The following EDARADD variants were observed in gnomAD, a reference collection of about 807,000 sequenced individuals.
EDARADD encodes ectodysplasin-A receptor-associated adapter protein.
Under a neutral mutation model 25.6 loss-of-function variants are expected in EDARADD, and 20 were observed. The ratio of observed to expected loss-of-function variants is 0.78; its 90% CI spans 0.55 to 1.14. The LOEUF (loss-of-function observed/expected upper bound fraction) is 1.14, where lower values mean the gene tolerates loss of function less well. Among genes scored for constraint, EDARADD ranks in the 50% most tolerant of loss-of-function variants. The pLI, the probability that EDARADD is intolerant of heterozygous loss-of-function variation, is 0.00. For synonymous variants in EDARADD, 86 were observed against 94.4 expected (o/e 0.91, Z 0.52); for missense variants, 225 against 270.1 (o/e 0.83, Z 1.17).
upstream of EDARADD, among the ~76,000 whole-genome samples, chr1:236,392,882 CTGAT>C (rs796320420): frequency 2.8e-4 from 42 of 152,240 alleles, no homozygotes; most frequent in African/African-American, 9.9e-4. Context: ...GTTGGGCAGT[CTGAT>C]CTCGAACTTC....
intron 4 of EDARADD, among the ~76,000 whole-genome samples, chr1:236,456,282 T>C (rs16833704): frequency 0.23 from 34,916 of 152,046 alleles, 4,242 homozygotes; most frequent in African/African-American, 0.25. Context: ...TGTTCTTCAT[T>C]TACCTACCTT....
chr1:236,433,402 T>C (rs1188633884), intron 4 of EDARADD, among the ~76,000 whole-genome samples: 2 of 151,620 alleles, frequency 1.3e-5, no homozygotes, highest in Non-Finnish European at 2.9e-5. Flanking sequence ...CTGTCTCTAC[T>C]AAAAATACAA....
intron 5 of EDARADD, among the ~76,000 whole-genome samples, chr1:236,480,456 G>A (rs1487599085): frequency 6.6e-6 from 1 of 152,050 alleles, no homozygotes; most frequent in Non-Finnish European, 1.5e-5. Context: ...AAGAGTATGA[G>A]CCTATTTTCA....
intron 5 of EDARADD, among the ~76,000 whole-genome samples, chr1:236,478,248 T>C (rs891842606): frequency 2.0e-5 from 3 of 152,204 alleles, no homozygotes; most frequent in Middle Eastern, 6.8e-3. Flanking sequence ...GTGAGATGAT[T>C]AAAGATGTGG....
At chr1:236,481,879 C>T (rs768547825) in intron 5 of EDARADD, among the ~76,000 whole-genome samples, 60 of 151,430 alleles carry the variant, frequency 4.0e-4, no homozygotes, top group African/African-American at 1.0e-3. Flanking sequence ...TTTGGGAGGC[C>T]GAGGCGGGTG....
chr1:236,370,490 G>A (rs1434667023), intron 3 of EDARADD, among the ~76,000 whole-genome samples: 1 of 152,188 alleles, frequency 6.6e-6, no homozygotes, highest in African/African-American at 2.4e-5. Context: ...TGGGAGACCA[G>A]AATTTTGTTA....
chr1:236,482,279 A>C lies in EDARADD; in HGVS notation c.278A>C (p.Asp93Ala), dbSNP rs534068767. 2.5e-6 allele frequency: 4 copies of C among 1,614,178 alleles called. No homozygotes were observed. In the African/African-American group the frequency reaches 5.3e-5, roughly 22 times the overall value. The change falls in exon 6 of 6, where the codon GAC (aspartate) becomes GCC (alanine). Residue 93 changes from aspartate to alanine, a missense_variant. Asp to Ala is a moderately radical substitution (Grantham distance 126). Transcript: ENST00000334232. ...TTTCTCCCTGCAGAGATCAGCAAGG[A>C]CAACTCCTGCAAAGAAAACTGTACT... Reference protein sequence around the residue: ...TGDPLPEISKDNSCKENCTCS... With the variant: ...TGDPLPEISKANSCKENCTCS...
chr1:236,440,174 G>A (rs1300510842), intron 4 of EDARADD, among the ~76,000 whole-genome samples: 4 of 151,870 alleles, frequency 2.6e-5, no homozygotes, highest in East Asian at 1.9e-4. Context: ...CTATATTTAT[G>A]TGGTCCTATT....
At chr1:236,474,261 C>A (rs1231010723) in intron 5 of EDARADD, among the ~76,000 whole-genome samples, 3 of 152,296 alleles carry the variant, frequency 2.0e-5, no homozygotes, top group Non-Finnish European at 4.4e-5. Flanking sequence ...GTCACTTCAT[C>A]ATGACAGTTA....
rs560229014 is a variant in EDARADD, at chr1:236,478,456, ATG to A, written c.266-3799_266-3798del. 8.8e-3 allele frequency among the ~76,000 whole-genome samples: 1,325 copies of A among 150,292 alleles called. 23 individuals carry two copies. Among genetic ancestry groups the A allele is most frequent in the African/African-American group, 0.03 (1,211 of 41,038 alleles). ...ATGGATATATAAATATGATATATAT[ATG>A]TGTGTGTGTGTATATATATATGTGT... On this transcript the variant is annotated intron_variant, in intron 5 of 5. Coordinates refer to ENST00000334232, the MANE Select transcript of EDARADD (RefSeq NM_145861.4).
chr1:236,374,191 T>A (rs2102994298), intron 3 of EDARADD, among the ~76,000 whole-genome samples: 1 of 152,284 alleles, frequency 6.6e-6, no homozygotes, highest in South Asian at 2.1e-4. Flanking sequence ...TGATTGATGG[T>A]GCTATTGAAT....
intron 4 of EDARADD, among the ~76,000 whole-genome samples, chr1:236,440,869 C>T (rs1176273537): frequency 1.3e-5 from 2 of 152,148 alleles, no homozygotes; most frequent in Non-Finnish European, 2.9e-5. Context: ...TCTTCTTGGG[C>T]CTTCCTATTC....
intron 3 of EDARADD, among the ~76,000 whole-genome samples, chr1:236,388,786 C>T (rs935502638): frequency 6.6e-6 from 1 of 152,164 alleles, no homozygotes; most frequent in Admixed American, 6.6e-5. Flanking sequence ...TCCAAGTCCA[C>T]CTTCTTGTCT....
chr1:236,462,130 G>A (rs1181719113), intron 4 of EDARADD, among the ~76,000 whole-genome samples: 1 of 152,190 alleles, frequency 6.6e-6, no homozygotes, highest in Non-Finnish European at 1.5e-5. Context: ...AACATCAGGG[G>A]ACTTCGGGTG....
At chr1:236,377,569 T>C (rs927206565) in intron 3 of EDARADD, among the ~76,000 whole-genome samples, 3 of 151,348 alleles carry the variant, frequency 2.0e-5, no homozygotes, top group African/African-American at 7.3e-5. Context: ...CTTCAAACTG[T>C]ATTTTTTTGG....
intron 5 of EDARADD, among the ~76,000 whole-genome samples, chr1:236,475,581 G>A (rs1419706043): frequency 6.6e-6 from 1 of 152,038 alleles, no homozygotes; most frequent in Non-Finnish European, 1.5e-5. Context: ...TGGCCAACAT[G>A]GTGAAAACCC....
upstream of EDARADD, among the ~76,000 whole-genome samples, chr1:236,393,255 G>A (rs1231031016): frequency 6.6e-6 from 1 of 152,050 alleles, no homozygotes; most frequent in Non-Finnish European, 1.5e-5. Flanking sequence ...CCATTTATTG[G>A]AAAAGGAAAA....
intron 3 of EDARADD, among the ~76,000 whole-genome samples, chr1:236,383,852 G>C (rs1667326708): frequency 6.6e-6 from 1 of 151,926 alleles, no homozygotes; most frequent in East Asian, 1.9e-4. Context: ...AAAAGTTTAA[G>C]AACTAGCCAG....
At chr1:236,376,158 C>T (rs1667221998) in intron 3 of EDARADD, among the ~76,000 whole-genome samples, 1 of 152,014 alleles carries the variant, frequency 6.6e-6, no homozygotes, top group South Asian at 2.1e-4. Context: ...TGGTTTTGAA[C>T]TCCTGACCAA....
Sources: gnomAD v4.1 joint callset for allele counts (sites outside exome capture counted in the v4.1 genomes callset) on GRCh38, gnomAD v4.1.1 for gene constraint, MANE v1.5 for transcripts, NCBI Gene and HGNC (gene_info 2026-07-23, HGNC 2026-07-21) for gene names.